MARCHF1: variants seen among roughly 807,000 people sequenced by gnomAD.
MARCHF1 encodes the protein E3 ubiquitin-protein ligase MARCHF1.
MARCHF1 carries 40 observed loss-of-function variants against 54.2 expected under a neutral mutation model. The observed-to-expected ratio is 0.74, with a 90% CI of 0.57 to 0.96. MARCHF1 has a LOEUF of 0.96. Ranked by LOEUF, MARCHF1 falls within the 40% of genes least tolerant of loss-of-function variation. The pLI is 0.00. For synonymous variants in MARCHF1, 236 were observed against 236.3 expected (o/e 1.00, Z 0.01); for missense variants, 586 against 656.5 (o/e 0.89, Z 1.17).
At chr4:163,675,137 C>A (rs962459393) in intron 5 of MARCHF1, among the ~76,000 whole-genome samples, 1 of 152,068 alleles carries the variant, frequency 6.6e-6, no homozygotes, top group African/African-American at 2.4e-5. Flanking sequence ...GAGAATATTC[C>A]AAATGCATTC....
chr4:163,943,295 G>T (rs1289898929), intron 3 of MARCHF1, among the ~76,000 whole-genome samples: 3 of 152,112 alleles, frequency 2.0e-5, no homozygotes, highest in Non-Finnish European at 1.5e-5. Context: ...AGCCTAGGTT[G>T]TCTTCCAGGG....
At chr4:163,976,090 G>C (rs1288002128) in intron 3 of MARCHF1, among the ~76,000 whole-genome samples, 1 of 152,178 alleles carries the variant, frequency 6.6e-6, no homozygotes, top group African/African-American at 2.4e-5. Context: ...AATAAAAGTA[G>C]ATCCTAGTTG....
At chr4:164,172,704 G>A (rs995784013) in intron 1 of MARCHF1, among the ~76,000 whole-genome samples, 11 of 152,132 alleles carry the variant, frequency 7.2e-5, no homozygotes, top group Non-Finnish European at 1.0e-4. Flanking sequence ...CAGGCTGGGC[G>A]CGGTGGCTCA....
intron 2 of MARCHF1, among the ~76,000 whole-genome samples, chr4:164,022,163 G>A (rs944077380): frequency 2.0e-5 from 3 of 151,934 alleles, no homozygotes; most frequent in African/African-American, 7.3e-5. Context: ...CTCTTGCCAA[G>A]AGCACTGATA....
chr4:164,186,627 C>T (rs1730977659), intron 1 of MARCHF1, among the ~76,000 whole-genome samples: 1 of 152,288 alleles, frequency 6.6e-6, no homozygotes, highest in South Asian at 2.1e-4. Context: ...TCAGATTTTG[C>T]TCAGATCTGT....
chr4:163,921,080 A>T (rs962471375), intron 3 of MARCHF1, among the ~76,000 whole-genome samples: 1 of 152,210 alleles, frequency 6.6e-6, no homozygotes, highest in Non-Finnish European at 1.5e-5. Context: ...AAAGAAACTG[A>T]TACCAAATGT....
chr4:163,625,282 G>A (rs955448318), intron 5 of MARCHF1, among the ~76,000 whole-genome samples: 4 of 152,038 alleles, frequency 2.6e-5, no homozygotes. Flanking sequence ...TGTTAATCTT[G>A]CTCTAGCATT....
chr4:164,286,566 A>G (rs76335635), intron 1 of MARCHF1, among the ~76,000 whole-genome samples: 3,795 of 151,972 alleles, frequency 0.025, 110 homozygotes, highest in East Asian at 0.13. Flanking sequence ...TACTACAAAA[A>G]CATGGGAATG....
intron 9 of MARCHF1, among the ~76,000 whole-genome samples, chr4:163,541,183 A>G (rs1738712240): frequency 1.3e-5 from 2 of 152,214 alleles, no homozygotes; most frequent in African/African-American, 4.8e-5. Context: ...ACTAACACCA[A>G]GTATTTTCTG....
At chr4:164,230,725 A>G (rs1367225202) in intron 1 of MARCHF1, among the ~76,000 whole-genome samples, 2 of 152,146 alleles carry the variant, frequency 1.3e-5, no homozygotes, top group African/African-American at 4.8e-5. Flanking sequence ...CTTAGCCAGA[A>G]CCACCCAGTT....
intron 1 of MARCHF1, among the ~76,000 whole-genome samples, chr4:164,316,000 T>C (rs1000039235): frequency 3.3e-5 from 5 of 152,132 alleles, no homozygotes; most frequent in Non-Finnish European, 7.4e-5. Context: ...AATTACTTAA[T>C]CTCTATCTAA....
intron 1 of MARCHF1, among the ~76,000 whole-genome samples, chr4:164,202,394 G>A (rs112136503): frequency 1.9e-4 from 29 of 152,266 alleles, no homozygotes; most frequent in South Asian, 4.1e-4. Flanking sequence ...CAAAAGTGGC[G>A]TGAAATATGG....
At chr4:163,651,936 C>G (rs1056888160) in intron 5 of MARCHF1, among the ~76,000 whole-genome samples, 1 of 151,642 alleles carries the variant, frequency 6.6e-6, no homozygotes, top group African/African-American at 2.4e-5. Context: ...CCACTAGGCT[C>G]TATGATCTGG....
At chr4:163,541,618 T>C (rs188910097) in intron 9 of MARCHF1, among the ~76,000 whole-genome samples, 2 of 152,148 alleles carry the variant, frequency 1.3e-5, no homozygotes, top group African/African-American at 2.4e-5. Context: ...TACAGACATA[T>C]GAGGAATTTT....
chr4:163,771,259 G>A lies in MARCHF1; in HGVS notation c.112-70396C>T, dbSNP rs561308192. Among the ~76,000 whole-genome samples the A allele has an allele frequency of 5.1e-4, 77 of 152,286 alleles. 1 individual carries two copies. Among genetic ancestry groups the A allele is most frequent in the East Asian group, 1.9e-4 (1 of 5,182 alleles). On this transcript the variant is annotated intron_variant, in intron 4 of 9. Transcript: ENST00000514618. ...GCCAGGGATGTTATTAACAGTCTAC[G>A]ATGTACGGGACACAGCTTTCCACCA...
intron 1 of MARCHF1, among the ~76,000 whole-genome samples, chr4:164,380,962 G>A (rs1731348382): frequency 1.3e-5 from 2 of 152,208 alleles, no homozygotes; most frequent in African/African-American, 2.4e-5. Context: ...GTGGGTAAAG[G>A]ACGTTTCGCT....
At chr4:164,356,738 A>G (rs1730554228) in intron 1 of MARCHF1, among the ~76,000 whole-genome samples, 2 of 110,338 alleles carry the variant, frequency 1.8e-5, no homozygotes, top group Admixed American at 2.1e-4. Flanking sequence ...CATTGTGCAC[A>G]TGTACCCTAA....
chr4:164,344,458 TTGTG>T (rs144379635), intron 1 of MARCHF1, among the ~76,000 whole-genome samples: 5,095 of 148,042 alleles, frequency 0.034, 181 homozygotes, highest in African/African-American at 0.089. Context: ...ATGCACGTGT[TTGTG>T]TGTGTGTGTG....
At chr4:163,821,403 C>A (rs868059656) in intron 4 of MARCHF1, among the ~76,000 whole-genome samples, 1 of 151,876 alleles carries the variant, frequency 6.6e-6, no homozygotes, top group African/African-American at 2.4e-5. Context: ...ATGGTTATTG[C>A]CTGCTAGAGG....
Sources: allele counts gnomAD v4.1 joint callset (sites outside exome capture counted in the v4.1 genomes callset), GRCh38; gene constraint gnomAD v4.1.1; transcripts MANE v1.5; gene names NCBI Gene and HGNC (gene_info 2026-07-23, HGNC 2026-07-21).